TMEM38B: variants seen among roughly 807,000 people sequenced by gnomAD.
TMEM38B encodes the protein trimeric intracellular cation channel type B.
TMEM38B carries 24 observed loss-of-function variants against 28.7 expected under a neutral mutation model. That is an observed-to-expected ratio of 0.84 (90% CI 0.61 to 1.18). TMEM38B has a LOEUF of 1.18. Among genes scored for constraint, TMEM38B ranks in the 50% most tolerant of loss-of-function variants. TMEM38B has a pLI of 0.00. For missense variants in TMEM38B, 380 were observed against 350.9 expected (o/e 1.08, Z -0.66); for synonymous variants, 131 against 127.7 (o/e 1.03, Z -0.17).
At chr9:105,742,677 C>G (rs954677643) in intron 4 of TMEM38B, among the ~76,000 whole-genome samples, 1 of 152,128 alleles carries the variant, frequency 6.6e-6, no homozygotes, top group Non-Finnish European at 1.5e-5. Flanking sequence ...AATCCTTGTT[C>G]CTTAGACTCA....
chr9:105,733,062 C>A (rs1405501030), intron 4 of TMEM38B, among the ~76,000 whole-genome samples: 1 of 152,112 alleles, frequency 6.6e-6, no homozygotes, highest in Non-Finnish European at 1.5e-5. Flanking sequence ...GTTTCTTAAT[C>A]CTGAGTTCCA....
At chr9:105,745,336 A>C (rs1837347870) in intron 4 of TMEM38B, among the ~76,000 whole-genome samples, 1 of 152,212 alleles carries the variant, frequency 6.6e-6, no homozygotes, top group African/African-American at 2.4e-5. Flanking sequence ...TCTGATGGCC[A>C]GTGATGATGA....
chr9:105,758,743 G>C (rs774912786), intron 5 of TMEM38B: 5 of 737,010 alleles, frequency 6.8e-6, no homozygotes, highest in Non-Finnish European at 1.2e-5. Context: ...ATTTTTAAAT[G>C]ATGAAACTTA....
intron 1 of TMEM38B, chr9:105,702,793 C>CT (rs1835504009): frequency 6.6e-6 from 1 of 152,144 alleles, no homozygotes; most frequent in African/African-American, 2.4e-5. Flanking sequence ...GATTCTTCCA[C>CT]TTTAGCCTCC....
At chr9:105,728,591 T>G (rs1324856091) in intron 4 of TMEM38B, among the ~76,000 whole-genome samples, 1 of 152,190 alleles carries the variant, frequency 6.6e-6, no homozygotes, top group South Asian at 2.1e-4. Context: ...TATAATCCTT[T>G]GGGTATATAC....
chr9:105,758,614 T>C lies in TMEM38B; in HGVS notation c.660+10424T>C, dbSNP rs79263876. On this transcript the variant is annotated intron_variant, in intron 5 of 5. Transcript: ENST00000374692. ...AAAGGCAGGTGGGGATCAGAAAATGTTGATGGTACTAACCAGCTCTTCAGA... is the reference window on the plus strand; with the variant it reads ...AAAGGCAGGTGGGGATCAGAAAATGCTGATGGTACTAACCAGCTCTTCAGA... 896 of 865,338 alleles carry C rather than the reference T, an allele frequency of 1.0e-3. 4 individuals carry two copies. In the African/African-American group the frequency reaches 0.013, roughly 13 times the overall value. The allele number at this position is 865,338 out of a possible 1,614,324, so 53.6% of individuals were successfully genotyped here.
chr9:105,710,702 G>A (rs1331264513), intron 2 of TMEM38B: 8 of 663,530 alleles, frequency 1.2e-5, no homozygotes, highest in South Asian at 4.2e-5. Flanking sequence ...AATTCACACC[G>A]TAAATCTTCA....
intron 4 of TMEM38B, among the ~76,000 whole-genome samples, chr9:105,725,966 A>T (rs1199312667): frequency 3.3e-5 from 5 of 152,252 alleles, no homozygotes; most frequent in East Asian, 3.9e-4. Flanking sequence ...TTTCTTTTTT[A>T]AAAAATTTCC....
At chr9:105,734,428 G>A (rs1836891300) in intron 4 of TMEM38B, among the ~76,000 whole-genome samples, 1 of 152,008 alleles carries the variant, frequency 6.6e-6, no homozygotes, top group African/African-American at 2.4e-5. Context: ...TTGTTGGATG[G>A]AATATTCTGT....
At chr9:105,756,802 C>T (rs543302953) in intron 5 of TMEM38B, among the ~76,000 whole-genome samples, 7 of 152,204 alleles carry the variant, frequency 4.6e-5, no homozygotes, top group South Asian at 4.1e-4. Flanking sequence ...GTATATCCAC[C>T]AGTTTCTAAA....
At chr9:105,737,345 AAG>A (rs57698430) in intron 4 of TMEM38B, among the ~76,000 whole-genome samples, 35,349 of 151,854 alleles carry the variant, frequency 0.23, 6,740 homozygotes, top group African/African-American at 0.51. Context: ...CGCAGGGAGT[AAG>A]AGTCCCAGAG....
chr9:105,765,643 C>G (rs957998194), intron 5 of TMEM38B, among the ~76,000 whole-genome samples: 1 of 152,060 alleles, frequency 6.6e-6, no homozygotes, highest in African/African-American at 2.4e-5. Flanking sequence ...TTACATATTC[C>G]TGAGTAGTAT....
At position 105,729,050 on chromosome 9, in the gene TMEM38B, A is replaced by G. The variant is rs557495527; in HGVS notation, c.542+6429A>G. Among the ~76,000 whole-genome samples the G allele has an allele frequency of 1.9e-4, 29 of 152,260 alleles. No homozygotes were observed. The East Asian group carries it at 5.4e-3, about 28-fold the overall frequency. ...TAGGTTGCCTGTTCACTCTGATGGT[A>G]GTTGCTTTTGCTGTGCAGAAGCTCT... On this transcript the variant is annotated intron_variant, in intron 4 of 5. Transcript: ENST00000374692.
intron 1 of TMEM38B, among the ~76,000 whole-genome samples, chr9:105,698,308 T>G (rs955621486): frequency 6.6e-6 from 1 of 152,176 alleles, no homozygotes; most frequent in African/African-American, 2.4e-5. Flanking sequence ...TTCCTGAATT[T>G]AATGAGAATG....
At chr9:105,730,159 T>A (rs1836677745) in intron 4 of TMEM38B, among the ~76,000 whole-genome samples, 1 of 152,154 alleles carries the variant, frequency 6.6e-6, no homozygotes, top group Middle Eastern at 3.2e-3. Context: ...TTGTGCCGGT[T>A]TTCAAAGGGA....
intron 1 of TMEM38B, among the ~76,000 whole-genome samples, chr9:105,704,158 G>A (rs9775708): frequency 0.23 from 34,654 of 150,780 alleles, 6,600 homozygotes; most frequent in African/African-American, 0.51. Flanking sequence ...GGTTCAGTGC[G>A]CCAGCATGGC....
chr9:105,760,128 G>A (rs1837986340), intron 5 of TMEM38B: 1 of 880,150 alleles, frequency 1.1e-6, no homozygotes, highest in African/African-American at 1.6e-5. Context: ...CGCTACAATT[G>A]TGTCGTTTGT....
intron 2 of TMEM38B, among the ~76,000 whole-genome samples, chr9:105,717,604 T>C (rs1249983843): frequency 6.6e-6 from 1 of 152,156 alleles, no homozygotes; most frequent in Non-Finnish European, 1.5e-5. Flanking sequence ...ATGATTCTAT[T>C]TATAAAACCT....
At position 105,705,624 on chromosome 9, in the gene TMEM38B, C is replaced by T; in HGVS notation, c.140C>T (p.Pro47Leu). 6.2e-7 allele frequency: 1 copy of T among 1,613,796 alleles called. No homozygotes were observed. The highest frequency in any genetic ancestry group is 2.2e-5 in the East Asian group (1 of 44,838). The change falls in exon 2 of 6, where the codon CCT (proline) becomes CTT (leucine). Residue 47 changes from proline to leucine, a missense_variant. Physicochemically the swap from Pro to Leu is moderately conservative, Grantham distance 98. Transcript: ENST00000374692. ...GCAGCTGCATTGGCATGGAAGAATC[C>T]TATTTCAAGCTGGTTTACTGCTATG... is the stretch of plus-strand genomic sequence containing the variant. Reference protein sequence around the residue: ...PGAAALAWKNPISSWFTAMLH... With the variant: ...PGAAALAWKNLISSWFTAMLH...
Sources: allele counts gnomAD v4.1 joint callset (sites outside exome capture counted in the v4.1 genomes callset), GRCh38; gene constraint gnomAD v4.1.1; transcripts MANE v1.5; gene names NCBI Gene and HGNC (gene_info 2026-07-23, HGNC 2026-07-21).